The following SLC16A14 variants were observed in gnomAD, a reference collection of about 807,000 sequenced individuals.
SLC16A14 encodes the protein monocarboxylate transporter 14.
In SLC16A14, 14 loss-of-function variants were observed where a neutral mutation model predicts 35.8. That is an observed-to-expected ratio of 0.39 (90% CI 0.26 to 0.61). The LOEUF (loss-of-function observed/expected upper bound fraction) is 0.61. SLC16A14 is among the 20% of genes least tolerant of loss of function. The pLI, the probability that SLC16A14 is intolerant of heterozygous loss-of-function variation, is 0.51. For synonymous variants in SLC16A14, 248 were observed against 258.9 expected (o/e 0.96, Z 0.40); for missense variants, 533 against 655.0 (o/e 0.81, Z 2.03).
intron 1 of SLC16A14, among the ~76,000 whole-genome samples, chr2:230,063,073 A>C (rs778366172): frequency 2.6e-4 from 40 of 151,966 alleles, no homozygotes; most frequent in Non-Finnish European, 4.6e-4. Flanking sequence ...GGATCACCTG[A>C]GGTCAGGAGC....
In SLC16A14 at chr2:230,068,311, A is replaced by C. The variant is rs1439738103; in HGVS notation, c.-15+244T>G. 1 of 152,364 alleles carries C rather than the reference A, an allele frequency of 6.6e-6. No individual in the cohort carries two copies. The highest frequency in any genetic ancestry group is 2.4e-5 in the African/African-American group (1 of 41,438). 9.4% of individuals were successfully genotyped at this position (152,364 alleles called of 1,614,324 possible). On this transcript the variant is annotated intron_variant, in intron 1 of 4. Transcript: ENST00000295190. The surrounding 1 kb of genome is among the most constrained non-coding windows in gnomAD (Gnocchi z 5.1). ...AAGCTCCGCCTGGCGGTCTGCCCTG[A>C]ACCGCCGGTTACCCTGCCCGCCCGC...
In SLC16A14 at chr2:230,059,096, A is replaced by G; in HGVS notation, c.257T>C (p.Val86Ala). Reference protein sequence around the residue: ...SSLSMGITLIVGPFIGLFINT... With the variant: ...SSLSMGITLIAGPFIGLFINT... ...CGACAGGTCACACATGAACATACCC[A>G]CTATCAAGGTGATGCCCATGCTGAG... The change falls in exon 2 of 5, where the codon GTG becomes GCG. Residue 86 changes from valine (V) to alanine (A), a missense_variant and splice_region_variant. Val to Ala is a moderately conservative substitution (Grantham distance 64, BLOSUM62 0). Transcript: ENST00000295190. 1 of 1,605,058 alleles carries G rather than the reference A, an allele frequency of 6.2e-7. No individual in the cohort carries two copies. Among genetic ancestry groups the G allele is most frequent in the Non-Finnish European group, 8.5e-7 (1 of 1,175,806 alleles).
At chr2:230,065,267 T>C (rs1469961009) in intron 1 of SLC16A14, among the ~76,000 whole-genome samples, 4 of 152,186 alleles carry the variant, frequency 2.6e-5, no homozygotes, top group African/African-American at 7.2e-5. Context: ...AAAGTTCTTT[T>C]TTTTTTTGAG....
chr2:230,064,116 C>T (rs1202784224), intron 1 of SLC16A14, among the ~76,000 whole-genome samples: 2 of 151,854 alleles, frequency 1.3e-5, no homozygotes, highest in Non-Finnish European at 2.9e-5. Context: ...AAAAAAGTTC[C>T]TCAATAGATA....
intron 3 of SLC16A14, among the ~76,000 whole-genome samples, chr2:230,047,517 C>G (rs762340609): frequency 6.6e-6 from 1 of 152,028 alleles, no homozygotes; most frequent in Non-Finnish European, 1.5e-5. Flanking sequence ...GTTGCCCAAG[C>G]TGGTCTCAAA....
chr2:230,046,814 T>G lies in SLC16A14; in HGVS notation c.404-92A>C. 1 of 1,367,122 alleles carries G rather than the reference T, an allele frequency of 7.3e-7. No homozygotes were observed. The highest frequency in any genetic ancestry group is 2.5e-5 in the Admixed American group (1 of 39,968). 84.7% of individuals were successfully genotyped at this position (1,367,122 alleles called of 1,614,324 possible). The stretch of plus-strand genomic sequence containing the variant: ...GCAAAGATCACCTGCATTTCCTTAA[T>G]TAGCATCTATTTATGCTTTTTATTT... On this transcript the variant is annotated intron_variant, in intron 3 of 4. Coordinates refer to ENST00000295190, the MANE Select transcript of SLC16A14 (RefSeq NM_152527.5). This position sits in a 1 kb window ranked among gnomAD's most constrained non-coding sequence, Gnocchi z 5.0.
intron 2 of SLC16A14, among the ~76,000 whole-genome samples, chr2:230,050,300 T>A (rs1410382763): frequency 6.6e-6 from 1 of 152,220 alleles, no homozygotes; most frequent in Non-Finnish European, 1.5e-5. Context: ...CAACACAGAC[T>A]ACCTTCCCAC....
chr2:230,051,361 GTGT>G (rs752344425), intron 2 of SLC16A14, among the ~76,000 whole-genome samples: 2 of 152,070 alleles, frequency 1.3e-5, no homozygotes, highest in Non-Finnish European at 2.9e-5. Flanking sequence ...GGGTTTCGCC[GTGT>G]TGTTCAGGCT....
chr2:230,043,282 A>T (rs2077574614), intron 4 of SLC16A14, among the ~76,000 whole-genome samples: 1 of 152,240 alleles, frequency 6.6e-6, no homozygotes, highest in Admixed American at 6.5e-5. Flanking sequence ...ACCTTTAGTC[A>T]GCCAACTGCT....
intron 2 of SLC16A14, among the ~76,000 whole-genome samples, chr2:230,054,882 G>A (rs1158319320): frequency 2.0e-5 from 3 of 148,164 alleles, no homozygotes; most frequent in African/African-American, 5.0e-5. Context: ...GCGACAGAGC[G>A]AGACTCCATC....
chr2:230,048,039 A>G (rs2077623884), intron 3 of SLC16A14, among the ~76,000 whole-genome samples: 1 of 152,162 alleles, frequency 6.6e-6, no homozygotes, highest in South Asian at 2.1e-4. Context: ...ACAGTAGGTT[A>G]TTATGTTCAC....
At position 230,046,475 on chromosome 2, in the gene SLC16A14, G is replaced by A. The variant is rs760216351; in HGVS notation, c.651C>T (p.Asn217=). 3 of 1,614,180 alleles carry A rather than the reference G, an allele frequency of 1.9e-6. No homozygotes were observed. The highest frequency in any genetic ancestry group is 1.1e-5 in the South Asian group (1 of 91,086). ...CATCTTTCTCTCCTGGGTCGTTTGG[G>A]TTTTTACCAGGAGAGAGGGGCCTCA... ...ALMRPLSPGK[N]PNDPGEKDVR... is the part of the protein sequence containing the mutation. Residue 217 remains asparagine (N), a synonymous_variant, in exon 4 of 5, where the codon AAC becomes AAT. Transcript: ENST00000295190. This position sits in a 1 kb window ranked among gnomAD's most constrained non-coding sequence, Gnocchi z 5.0.
chr2:230,067,571 T>TCTCTCTCTCTCTCTCTCTCTCTCTCA (rs1269765776), intron 1 of SLC16A14, among the ~76,000 whole-genome samples: 1 of 143,830 alleles, frequency 7.0e-6, no homozygotes, highest in African/African-American at 2.8e-5. Context: ...TCTCTCTCTC[T>TCTCTCTCTCTCTCTCTCTCTCTCTCA]CACACACACA....
At chr2:230,053,599 G>A (rs115096618) in intron 2 of SLC16A14, among the ~76,000 whole-genome samples, 2,750 of 152,140 alleles carry the variant, frequency 0.018, 86 homozygotes, top group African/African-American at 0.061. Context: ...TGGACAAGAC[G>A]GTGAAACCCC....
Position 230,045,848 on chromosome 2 carries a change from G to A in SLC16A14, c.1278C>T (p.Pro426=), listed in dbSNP as rs748048640. Residue 426 remains proline, a synonymous_variant, in exon 4 of 5, where the codon CCC becomes CCT. Coordinates refer to ENST00000295190, the MANE Select transcript of SLC16A14 (RefSeq NM_152527.5). ...TGCCAACCAAGTCTTCAGTCACTAC[G>A]GGCATTAGGGAGAAATAACCACTGG... The part of the protein sequence containing the change: ...GFSSGYFSLM[P]VVTEDLVGIE... The A allele has an allele frequency of 5.6e-6, 9 of 1,614,052 alleles. No homozygotes were observed. The South Asian group carries it at 6.6e-5, about 12-fold the overall frequency.
rs755773473 is a variant in SLC16A14 at position 230,045,755 on chromosome 2, T to C, written c.1371A>G (p.Pro457=). The C allele has an allele frequency of 9.3e-6, 15 of 1,614,026 alleles. No individual in the cohort carries two copies. Among genetic ancestry groups the C allele is most frequent in the Admixed American group, 1.7e-5 (1 of 60,002 alleles). The change falls in exon 4 of 5, where the codon CCA becomes CCG. Residue 457 remains proline (P), a synonymous_variant. Transcript: ENST00000295190. ...CANGISALLG[P]PFAGWIYDIT... The stretch of plus-strand genomic sequence containing the variant: ...CCTCAGAGAGTTTACCTGCAAAAGG[T>C]GGTCCCAGCAATGCAGAGATGCCAT...
chr2:230,058,960 AT>A, intron 2 of SLC16A14, 133 bp downstream of exon 2: 1 of 1,457,474 alleles, frequency 6.9e-7, no homozygotes, highest in Non-Finnish European at 9.1e-7. Context: ...TGTTATGCAT[AT>A]TTTATCACAA....
At chr2:230,064,008 A>G (rs1313079818) in intron 1 of SLC16A14, among the ~76,000 whole-genome samples, 1 of 151,810 alleles carries the variant, frequency 6.6e-6, no homozygotes, top group Non-Finnish European at 1.5e-5. Context: ...GAGGTGGGAG[A>G]ATTGCTTGAG....
At chr2:230,045,150 C>A (rs183736869) in intron 4 of SLC16A14, among the ~76,000 whole-genome samples, 3 of 152,188 alleles carry the variant, frequency 2.0e-5, no homozygotes, top group African/African-American at 7.2e-5. Flanking sequence ...GGGTAAGGAG[C>A]CCGTCAGTAT....
Sources: allele counts gnomAD v4.1 joint callset (sites outside exome capture counted in the v4.1 genomes callset), GRCh38; gene constraint gnomAD v4.1.1; non-coding constraint Gnocchi (gnomAD v3.1); transcripts MANE v1.5; gene names NCBI Gene and HGNC (gene_info 2026-07-23, HGNC 2026-07-21).